Variants in ATP8A2 observed in about 807,000 individuals in gnomAD.
ATP8A2 encodes phospholipid-transporting ATPase IB.
ATP8A2 carries 100 observed loss-of-function variants against 165.6 expected under a neutral mutation model. The observed-to-expected ratio is 0.60, with a 90% CI of 0.51 to 0.71. ATP8A2 has a LOEUF of 0.71. ATP8A2 is among the 30% of genes least tolerant of loss of function. The probability of loss-of-function intolerance (pLI) is 0.00; values close to 1 mark genes in which losing one functional copy is unlikely to be tolerated. For synonymous variants in ATP8A2, 543 were observed against 548.8 expected (o/e 0.99, Z 0.15); for missense variants, 1,227 against 1,479.5 (o/e 0.83, Z 2.80).
chr13:25,518,531 G>C (rs138631621), intron 2 of ATP8A2, among the ~76,000 whole-genome samples: 40 of 107,474 alleles, frequency 3.7e-4, no homozygotes, highest in African/African-American at 1.5e-3. Context: ...GCGTGTTAAG[G>C]TTTAGCTTAA....
At chr13:25,659,113 T>C (rs1174217412) in intron 24 of ATP8A2, among the ~76,000 whole-genome samples, 1 of 152,188 alleles carries the variant, frequency 6.6e-6, no homozygotes, top group African/African-American at 2.4e-5. Context: ...CAGAAGGTTA[T>C]GTATGTGCAA....
chr13:25,751,940 C>T (rs576071937), intron 25 of ATP8A2, among the ~76,000 whole-genome samples: 2 of 150,380 alleles, frequency 1.3e-5, no homozygotes, highest in African/African-American at 4.9e-5. Flanking sequence ...TTGGATGCTA[C>T]TGTTACGTGT....
chr13:25,434,410 G>A (rs1386687372), intron 1 of ATP8A2, among the ~76,000 whole-genome samples: 3 of 151,926 alleles, frequency 2.0e-5, no homozygotes, highest in East Asian at 1.9e-4. Flanking sequence ...GTGCAAAGGC[G>A]TTATCTTGGC....
intron 25 of ATP8A2, among the ~76,000 whole-genome samples, chr13:25,699,886 A>C (rs754300142): frequency 6.8e-6 from 1 of 147,704 alleles, no homozygotes; most frequent in Non-Finnish European, 1.5e-5. Context: ...GTTACATTCC[A>C]TTGGCTGCTG....
chr13:25,598,768 T>C (rs2040303259), intron 24 of ATP8A2, among the ~76,000 whole-genome samples: 1 of 152,218 alleles, frequency 6.6e-6, no homozygotes, highest in African/African-American at 2.4e-5. Flanking sequence ...CATTTTTCTG[T>C]TATTTTGCAT....
chr13:25,580,757 C>T (rs1335796470), intron 22 of ATP8A2, among the ~76,000 whole-genome samples: 1 of 152,172 alleles, frequency 6.6e-6, no homozygotes, highest in Non-Finnish European at 1.5e-5. Flanking sequence ...TGGTCTCAAA[C>T]TCCTGGGCTC....
intron 27 of ATP8A2, among the ~76,000 whole-genome samples, chr13:25,810,182 A>G (rs987577509): frequency 2.6e-5 from 4 of 152,228 alleles, no homozygotes; most frequent in African/African-American, 9.6e-5. Flanking sequence ...TCTCTGAACG[A>G]GGCTTCTTAC....
intron 25 of ATP8A2, among the ~76,000 whole-genome samples, chr13:25,701,354 T>C (rs2042947216): frequency 6.6e-6 from 1 of 152,186 alleles, no homozygotes; most frequent in Admixed American, 6.5e-5. Flanking sequence ...GGAAATACTT[T>C]TATTCATAAA....
intron 33 of ATP8A2, among the ~76,000 whole-genome samples, chr13:25,892,755 G>A (rs1953413904): frequency 6.6e-6 from 1 of 151,316 alleles, no homozygotes; most frequent in South Asian, 2.1e-4. Context: ...ACTGTATGGG[G>A]CCACAGTTTG....
At chr13:25,632,718 C>T (rs2041272220) in intron 24 of ATP8A2, among the ~76,000 whole-genome samples, 1 of 152,158 alleles carries the variant, frequency 6.6e-6, no homozygotes, top group South Asian at 2.1e-4. Flanking sequence ...CTGAGCTGCT[C>T]TGTGGGCCAG....
At chr13:25,985,416 A>C (rs1956260434) in intron 35 of ATP8A2, among the ~76,000 whole-genome samples, 1 of 152,302 alleles carries the variant, frequency 6.6e-6, no homozygotes, top group South Asian at 2.1e-4. Context: ...TCCTTGGGCC[A>C]GTGGTTCTTA....
chr13:25,930,093 T>C (rs1186281406), intron 33 of ATP8A2, among the ~76,000 whole-genome samples: 2 of 152,056 alleles, frequency 1.3e-5, no homozygotes, highest in Non-Finnish European at 2.9e-5. Flanking sequence ...CTTTCTAGTC[T>C]CTGAGACCCA....
At chr13:25,407,610 G>A (rs936465931) in intron 1 of ATP8A2, among the ~76,000 whole-genome samples, 1 of 152,116 alleles carries the variant, frequency 6.6e-6, no homozygotes, top group Non-Finnish European at 1.5e-5. Context: ...TGACAAGTAG[G>A]GATTATTTGA....
At chr13:25,937,527 G>T (rs76912919) in intron 33 of ATP8A2, among the ~76,000 whole-genome samples, 2 of 151,342 alleles carry the variant, frequency 1.3e-5, no homozygotes, top group South Asian at 2.1e-4. Context: ...ATAAGCAAAA[G>T]AAATACCTCG....
At position 25,808,868 on chromosome 13, in the gene ATP8A2, T is replaced by G. The variant is rs116211526; in HGVS notation, c.2680-19250T>G. Among the ~76,000 whole-genome samples the G allele has an allele frequency of 7.7e-3, 1,167 of 152,258 alleles. 21 individuals are homozygous for G. Among genetic ancestry groups the G allele is most frequent in the African/African-American group, 0.027 (1,106 of 41,534 alleles). On this transcript the variant is annotated intron_variant, in intron 27 of 36. Transcript: ENST00000381655. ...ACCACTGTAACTTTATAAACAGAGATTACTTGAGAAGCAAACTGGCAATCC... is the reference window on the plus strand; with the variant it reads ...ACCACTGTAACTTTATAAACAGAGAGTACTTGAGAAGCAAACTGGCAATCC...
chr13:25,381,148 A>G (rs1393475860), intron 1 of ATP8A2, among the ~76,000 whole-genome samples: 1 of 152,196 alleles, frequency 6.6e-6, no homozygotes, highest in Admixed American at 6.5e-5. Context: ...GATCTTCAAC[A>G]CACTCACGAT....
At chr13:26,018,053 C>T (rs535011254) in intron 36 of ATP8A2, among the ~76,000 whole-genome samples, 1 of 152,346 alleles carries the variant, frequency 6.6e-6, no homozygotes, top group African/African-American at 2.4e-5. Flanking sequence ...CTCTCCCGCC[C>T]ACTGTCTCTT....
chr13:25,860,789 C>A lies in ATP8A2; in HGVS notation c.3019-15C>A, dbSNP rs146537441. The A allele has an allele frequency of 6.3e-7, 1 of 1,581,584 alleles. No homozygotes were observed. Among genetic ancestry groups the A allele is most frequent in the South Asian group, 1.1e-5 (1 of 87,792 alleles). On this transcript the variant is annotated splice_polypyrimidine_tract_variant and intron_variant, in intron 31 of 36. Transcript: ENST00000381655. ...TGAGAATAATGTGTTTCCAAACTGT[C>A]TTTTATTTTCACAGTATGTTGTTGT...
chr13:25,498,454 A>T (rs1021004093), intron 2 of ATP8A2, among the ~76,000 whole-genome samples: 6 of 152,216 alleles, frequency 3.9e-5, no homozygotes, highest in Admixed American at 3.9e-4. Flanking sequence ...GTTATCATTA[A>T]TTCTCCAATG....
Sources: gnomAD v4.1 joint callset for allele counts (sites outside exome capture counted in the v4.1 genomes callset) on GRCh38, gnomAD v4.1.1 for gene constraint, MANE v1.5 for transcripts, NCBI Gene and HGNC (gene_info 2026-07-23, HGNC 2026-07-21) for gene names.